WDR27: variants seen among roughly 807,000 people sequenced by gnomAD.
The protein encoded by WDR27 is WD repeat domain 27, also known as WD repeat-containing protein 27.
Under a neutral mutation model 114.4 loss-of-function variants are expected in WDR27, and 100 were observed. The ratio of observed to expected loss-of-function variants is 0.87; its 90% CI spans 0.74 to 1.03. The LOEUF is 1.03. WDR27 is among the 50% of genes least tolerant of loss of function. The probability of loss-of-function intolerance (pLI) is 0.00; values close to 1 mark genes in which losing one functional copy is unlikely to be tolerated. For missense variants in WDR27, 1,129 were observed against 1,092.9 expected (o/e 1.03, Z -0.47); for synonymous variants, 449 against 423.1 (o/e 1.06, Z -0.75).
At chr6:169,600,281 CAGAT>C (rs982776628) in intron 23 of WDR27, among the ~76,000 whole-genome samples, 12 of 152,246 alleles carry the variant, frequency 7.9e-5, no homozygotes, top group African/African-American at 2.9e-4. Flanking sequence ...AACTAACAAA[CAGAT>C]ATGACATCCA....
At chr6:169,563,653 A>G (rs1800000260) in intron 25 of WDR27, among the ~76,000 whole-genome samples, 1 of 151,934 alleles carries the variant, frequency 6.6e-6, no homozygotes, top group Admixed American at 6.5e-5. Flanking sequence ...TTCTGCTTCA[A>G]CATCATTAAG....
chr6:169,500,328 C>G (rs777648911), intron 25 of WDR27, among the ~76,000 whole-genome samples: 1 of 152,144 alleles, frequency 6.6e-6, no homozygotes, highest in Non-Finnish European at 1.5e-5. Flanking sequence ...GAGGTCTGTA[C>G]TAACAAGCCA....
chr6:169,486,786 G>A (rs1172864967), intron 25 of WDR27, among the ~76,000 whole-genome samples: 1 of 152,196 alleles, frequency 6.6e-6, no homozygotes, highest in East Asian at 1.9e-4. Flanking sequence ...CACTGCTCCT[G>A]GCCAGAAGGC....
chr6:169,488,738 A>G (rs2860562), intron 25 of WDR27, among the ~76,000 whole-genome samples: 136,661 of 152,238 alleles, frequency 0.9, 62,481 homozygotes, highest in African/African-American at 0.95. Flanking sequence ...CACAGACAGC[A>G]CTGTGACTGA....
Position 169,509,918 on chromosome 6 carries a change from T to A in WDR27, c.2646-52284A>T, listed in dbSNP as rs555487288. 2.2e-4 allele frequency among the ~76,000 whole-genome samples: 34 copies of A among 152,158 alleles called. No homozygotes were observed. The South Asian group carries it at 6.6e-3, about 30-fold the overall frequency. On this transcript the variant is annotated intron_variant, in intron 25 of 25. Coordinates refer to ENST00000448612, the MANE Select transcript of WDR27 (RefSeq NM_182552.5). ...CTTATATCCAGAATCTACAATGAAC[T>A]CAAACAAATTTACAAGAAAGAAACA...
At chr6:169,698,771 CA>C (rs1786975923) in intron 1 of WDR27, among the ~76,000 whole-genome samples, 1 of 152,212 alleles carries the variant, frequency 6.6e-6, no homozygotes, top group Admixed American at 6.5e-5. Context: ...CGGAGGGCTC[CA>C]AAGGCTGAGG....
At position 169,628,588 on chromosome 6, in the gene WDR27, C is replaced by T. The variant is rs184055757; in HGVS notation, c.2223+4359G>A. Among the ~76,000 whole-genome samples the T allele has an allele frequency of 1.2e-3, 183 of 152,302 alleles. 1 individual carries two copies. The highest frequency in any genetic ancestry group is 4.3e-3 in the African/African-American group (177 of 41,564). On this transcript the variant is annotated intron_variant, in intron 21 of 25. Coordinates refer to ENST00000448612, the MANE Select transcript of WDR27 (RefSeq NM_182552.5). ...TCGTAAAACCAAAAGTTTTATCTAA[C>T]AGTATGTGAGAATGGGTAATGCCAG...
At chr6:169,433,982 T>C in the WDR27 span, among the ~76,000 whole-genome samples, 4 of 152,262 alleles carry the variant, frequency 2.6e-5, no homozygotes, top group Admixed American at 2.0e-4. Context: ...AGATTCTGGA[T>C]ATTAGCCCTT....
Position 169,457,546 on chromosome 6 carries a change from C to T in WDR27, c.*46G>A, listed in dbSNP as rs759155381. 2.6e-6 allele frequency: 4 copies of T among 1,509,758 alleles called. No individual in the cohort carries two copies. The highest frequency in any genetic ancestry group is 2.5e-5 in the East Asian group (1 of 40,186). 93.5% of individuals were successfully genotyped at this position (1,509,758 alleles called of 1,614,324 possible). ...CACTACTTCTTACTTTTAAGTTGTT[C>T]CTCACAGCATTCCTGGACCCAGCTC... On this transcript the variant is annotated 3_prime_UTR_variant, in exon 26 of 26. Transcript: ENST00000448612.
intron 22 of WDR27, among the ~76,000 whole-genome samples, chr6:169,607,583 C>G (rs887101473): frequency 4.6e-5 from 7 of 152,112 alleles, no homozygotes; most frequent in Non-Finnish European, 8.8e-5. Flanking sequence ...AATGTGTACA[C>G]ATGGACATAG....
chr6:169,590,367 TA>T lies in WDR27; in HGVS notation c.2425-7434del, dbSNP rs1383613159. ...TGCTCACTTATTTTGCTTTTGAAAA[TA>T]ATTCCAGAAATGATATTTTCTGAAT... On this transcript the variant is annotated intron_variant, in intron 23 of 25. Coordinates refer to ENST00000448612, the MANE Select transcript of WDR27 (RefSeq NM_182552.5). Among the ~76,000 whole-genome samples the T allele has an allele frequency of 2.0e-5, 3 of 152,246 alleles. 1 individual carries two copies. The highest frequency in any genetic ancestry group is 6.3e-3 in the Middle Eastern group (2 of 316).
At chr6:169,609,527 G>T (rs1327656846) in intron 22 of WDR27, among the ~76,000 whole-genome samples, 1 of 152,116 alleles carries the variant, frequency 6.6e-6, no homozygotes. Context: ...TGAGCTCTAT[G>T]TTGGCCCCTT....
At position 169,662,312 on chromosome 6, in the gene WDR27, TG is replaced by T; in HGVS notation, c.1016del (p.Ala339AspfsTer53). On this transcript the variant is annotated frameshift_variant, in exon 9 of 26. Transcript: ENST00000448612. LOFTEE classifies it high-confidence loss of function. The part of the protein sequence containing the change: ...PCDLSLIPNS[A>X]CGCLSSENTR... ...AAGTTTTTGATACTTACCATCCACA[TG>T]CAGAATTTGGGATGAGTGAGAGATC... 6.2e-7 allele frequency: 1 copy of T among 1,613,738 alleles called. No homozygotes were observed.
chr6:169,621,451 T>TGC (rs1408801092), intron 21 of WDR27, among the ~76,000 whole-genome samples: 9 of 150,888 alleles, frequency 6.0e-5, no homozygotes, highest in African/African-American at 2.2e-4. Flanking sequence ...TATGCACACA[T>TGC]GCACACACAC....
intron 25 of WDR27, among the ~76,000 whole-genome samples, chr6:169,489,205 C>T (rs575299888): frequency 9.2e-5 from 14 of 152,338 alleles, no homozygotes; most frequent in African/African-American, 3.4e-4. Flanking sequence ...TGAGCACCTC[C>T]TGTGCATGGC....
chr6:169,562,630 C>T (rs907712352), intron 25 of WDR27, among the ~76,000 whole-genome samples: 2 of 151,998 alleles, frequency 1.3e-5, no homozygotes, highest in African/African-American at 2.4e-5. Context: ...TGCCAGGCTG[C>T]GTGAGTGCCC....
the WDR27 span, among the ~76,000 whole-genome samples, chr6:169,441,715 T>C: frequency 6.6e-6 from 1 of 152,244 alleles, no homozygotes; most frequent in Admixed American, 6.5e-5. Flanking sequence ...CTAGTGCCAA[T>C]GAATTTTCTT....
At chr6:169,652,340 C>T (rs1822822515) in intron 13 of WDR27, among the ~76,000 whole-genome samples, 1 of 152,228 alleles carries the variant, frequency 6.6e-6, no homozygotes, top group South Asian at 2.1e-4. Flanking sequence ...CCTCCACCTC[C>T]CATGTTCAAG....
intron 24 of WDR27, among the ~76,000 whole-genome samples, chr6:169,575,321 CCT>C (rs67302162): frequency 0.11 from 6,918 of 62,900 alleles, 1,341 homozygotes; most frequent in East Asian, 0.58. Context: ...TCCCTCCCTC[CCT>C]CTCTCTCTCT....
Sources: allele counts gnomAD v4.1 joint callset (sites outside exome capture counted in the v4.1 genomes callset), GRCh38; gene constraint gnomAD v4.1.1; transcripts MANE v1.5; gene names NCBI Gene and HGNC (gene_info 2026-07-23, HGNC 2026-07-21).